The following PHF14 variants were observed in gnomAD, a reference collection of about 807,000 sequenced individuals.
PHF14 encodes PHD finger protein 14.
PHF14 carries 55 observed loss-of-function variants against 117.9 expected under a neutral mutation model. That is an observed-to-expected ratio of 0.47 (90% CI 0.38 to 0.58). The LOEUF (loss-of-function observed/expected upper bound fraction) is 0.58, where lower values mean the gene tolerates loss of function less well. PHF14 is among the 20% of genes least tolerant of loss of function. The pLI is 0.00. For missense variants in PHF14, 978 were observed against 1,122.2 expected (o/e 0.87, Z 1.84); for synonymous variants, 409 against 368.6 (o/e 1.11, Z -1.26).
At chr7:11,162,530 T>C (rs1391985423) in intron 17 of PHF14, among the ~76,000 whole-genome samples, 2 of 152,106 alleles carry the variant, frequency 1.3e-5, no homozygotes, top group Non-Finnish European at 2.9e-5. Context: ...ATTCATTTCC[T>C]TTCCTTTCTT....
intron 16 of PHF14, among the ~76,000 whole-genome samples, chr7:11,072,455 CCTT>C (rs1467293623): frequency 6.6e-6 from 1 of 152,104 alleles, no homozygotes; most frequent in Non-Finnish European, 1.5e-5. Context: ...AGGTTTTAAA[CCTT>C]CTTTTGTTAT....
rs150694514 is a variant in PHF14, at chr7:11,095,546, T to G, written c.2655-15804T>G. ...TTAATCCTGTATCCCTAGAAGTAAA[T>G]GGAAATAAGATCAGGTTTTCTCAAC... is the stretch of plus-strand genomic sequence containing the variant. On this transcript the variant is annotated intron_variant, in intron 16 of 17. Coordinates refer to ENST00000634607, the MANE Select transcript of PHF14 (RefSeq NM_001007157.2). Among the ~76,000 whole-genome samples the G allele has an allele frequency of 5.3e-5, 8 of 152,290 alleles. No individual in the cohort carries two copies. The East Asian group carries it at 1.2e-3, about 22-fold the overall frequency.
At chr7:11,059,501 T>C (rs80327338) in intron 14 of PHF14, among the ~76,000 whole-genome samples, 1,946 of 152,274 alleles carry the variant, frequency 0.013, 42 homozygotes, top group East Asian at 0.1. Context: ...GTAGGCCAGG[T>C]GCAGTGGTTC....
intron 6 of PHF14, among the ~76,000 whole-genome samples, chr7:11,028,343 T>C (rs557558744): frequency 3.3e-5 from 5 of 152,288 alleles, no homozygotes; most frequent in Admixed American, 2.0e-4. Context: ...GTTAAAAAAT[T>C]AGAAGTGGAA....
chr7:10,988,166 C>T (rs368650881), intron 3 of PHF14, among the ~76,000 whole-genome samples: 79 of 152,054 alleles, frequency 5.2e-4, no homozygotes, highest in African/African-American at 1.8e-3. Flanking sequence ...CCCTATTTCC[C>T]TCTTTGCGTT....
intron 17 of PHF14, among the ~76,000 whole-genome samples, chr7:11,139,971 G>A (rs1788352172): frequency 6.6e-6 from 1 of 152,128 alleles, no homozygotes; most frequent in Non-Finnish European, 1.5e-5. Flanking sequence ...AGGCTGGTTT[G>A]TTGGAGCAGT....
chr7:11,018,726 C>T (rs1019805081), intron 5 of PHF14, among the ~76,000 whole-genome samples: 3 of 152,032 alleles, frequency 2.0e-5, no homozygotes, highest in African/African-American at 7.2e-5. Flanking sequence ...TTTGGATGCC[C>T]TTTTTATCTT....
At chr7:11,002,632 G>A (rs1292128900) in intron 4 of PHF14, among the ~76,000 whole-genome samples, 2 of 151,810 alleles carry the variant, frequency 1.3e-5, no homozygotes, top group East Asian at 1.9e-4. Flanking sequence ...TATTAGAGAC[G>A]GGATTTCTCC....
At chr7:11,008,576 GT>G (rs1277573611) in intron 4 of PHF14, among the ~76,000 whole-genome samples, 1 of 152,100 alleles carries the variant, frequency 6.6e-6, no homozygotes, top group African/African-American at 2.4e-5. Flanking sequence ...AGGTGGAACA[GT>G]TTCATCCAAA....
chr7:11,005,982 C>T (rs1293562024), intron 4 of PHF14, among the ~76,000 whole-genome samples: 4 of 151,776 alleles, frequency 2.6e-5, no homozygotes, highest in African/African-American at 4.8e-5. Context: ...TGAGTAGAGA[C>T]GGGGTTTCAC....
At chr7:11,009,017 CAG>C (rs1393648964) in intron 4 of PHF14, among the ~76,000 whole-genome samples, 1 of 127,510 alleles carries the variant, frequency 7.8e-6, no homozygotes, top group African/African-American at 2.9e-5. Context: ...GCCTGGGCGA[CAG>C]AGTGAGACTC....
At chr7:11,084,212 A>T (rs1417057406) in intron 16 of PHF14, among the ~76,000 whole-genome samples, 4 of 152,234 alleles carry the variant, frequency 2.6e-5, no homozygotes, top group African/African-American at 9.6e-5. Flanking sequence ...ACACACACAC[A>T]ATCTGAAAAA....
At chr7:10,977,112 G>T (rs1481641379) in intron 2 of PHF14, among the ~76,000 whole-genome samples, 1 of 151,822 alleles carries the variant, frequency 6.6e-6, no homozygotes, top group Non-Finnish European at 1.5e-5. Flanking sequence ...TTCTGTGCCT[G>T]AGATAGTATA....
At chr7:11,114,157 C>G (rs915445479) in intron 17 of PHF14, among the ~76,000 whole-genome samples, 5 of 152,094 alleles carry the variant, frequency 3.3e-5, no homozygotes, top group African/African-American at 1.2e-4. Context: ...CTGCGGTAGT[C>G]ATGTTGTTAA....
chr7:11,026,722 GT>G (rs577300752), intron 6 of PHF14, among the ~76,000 whole-genome samples: 1,611 of 125,742 alleles, frequency 0.013, 13 homozygotes, highest in Non-Finnish European at 0.019. Context: ...GTTGAAGCTT[GT>G]TTTTTTTTTT....
intron 13 of PHF14, among the ~76,000 whole-genome samples, chr7:11,047,146 G>A (rs767314643): frequency 1.3e-4 from 19 of 151,248 alleles, no homozygotes; most frequent in Admixed American, 2.6e-4. Context: ...GCAACTCACC[G>A]CAACTTCTGC....
At chr7:11,094,809 G>A (rs1345762936) in intron 16 of PHF14, among the ~76,000 whole-genome samples, 2 of 152,164 alleles carry the variant, frequency 1.3e-5, no homozygotes, top group African/African-American at 4.8e-5. Flanking sequence ...GTGATCCAGA[G>A]CTTGGATCCC....
intron 3 of PHF14, among the ~76,000 whole-genome samples, chr7:10,990,302 G>A (rs1275388763): frequency 6.6e-6 from 1 of 152,142 alleles, no homozygotes; most frequent in Non-Finnish European, 1.5e-5. Context: ...TAAGAATCAT[G>A]TCTTGTGCTT....
intron 16 of PHF14, among the ~76,000 whole-genome samples, chr7:11,067,076 T>C (rs1785448103): frequency 6.6e-6 from 1 of 152,130 alleles, no homozygotes; most frequent in African/African-American, 2.4e-5. Flanking sequence ...CATGTATCTG[T>C]TAAGGGATTG....
Sources: allele counts gnomAD v4.1 joint callset (sites outside exome capture counted in the v4.1 genomes callset), GRCh38; gene constraint gnomAD v4.1.1; transcripts MANE v1.5; gene names NCBI Gene and HGNC (gene_info 2026-07-23, HGNC 2026-07-21).